Variants in IL1RAPL1 observed in about 807,000 individuals in gnomAD.
The protein encoded by IL1RAPL1 is interleukin 1 receptor accessory protein like 1, also known as interleukin-1 receptor accessory protein-like 1.
Under a neutral mutation model 48.4 loss-of-function variants are expected in IL1RAPL1, and 3 were observed. The observed-to-expected ratio is 0.06, with a 90% CI of 0.03 to 0.16. The LOEUF is 0.16. Ranked by LOEUF, IL1RAPL1 falls within the 10% of genes least tolerant of loss-of-function variation. The pLI, the probability that IL1RAPL1 is intolerant of heterozygous loss-of-function variation, is 1.00. For synonymous variants in IL1RAPL1, 185 were observed against 187.7 expected, an observed-to-expected ratio of 0.99 and a Z score of 0.12; for missense variants, 349 against 530.6, an observed-to-expected ratio of 0.66 and a Z score of 3.36.
At chrX:29,602,792 G>A (rs113720732) in intron 5 of IL1RAPL1, among the ~76,000 whole-genome samples, 5,232 of 112,423 alleles carry the variant, frequency 0.047, 290 homozygotes, top group African/African-American at 0.16. Context: ...AAGTAAATAT[G>A]TTCATTTGTT....
At chrX:29,228,160 A>G (rs1931116267) in intron 2 of IL1RAPL1, among the ~76,000 whole-genome samples, 1 of 91,695 alleles carries the variant, frequency 1.1e-5, no homozygotes, top group Non-Finnish European at 2.1e-5. Context: ...TCTTATAACC[A>G]TCTCCGGACA....
intron 5 of IL1RAPL1, among the ~76,000 whole-genome samples, chrX:29,448,539 A>G (rs1192681715): frequency 5.3e-5 from 6 of 112,407 alleles, no homozygotes; most frequent in African/African-American, 1.9e-4. Flanking sequence ...TTTGACATGC[A>G]TAATACAGAA....
At chrX:28,846,292 G>A (rs190075398) in intron 2 of IL1RAPL1, among the ~76,000 whole-genome samples, 1 of 111,628 alleles carries the variant, frequency 9.0e-6, no homozygotes, top group East Asian at 2.8e-4. Flanking sequence ...TTCTATTGTC[G>A]GGATGTACCC....
At chrX:29,790,093 T>C (rs192906136) in intron 6 of IL1RAPL1, among the ~76,000 whole-genome samples, 77 of 111,648 alleles carry the variant, frequency 6.9e-4, no homozygotes, top group African/African-American at 2.4e-3. Context: ...AGCAAATTAG[T>C]GTCAACGTTT....
chrX:28,991,459 G>A (rs1211703837), intron 2 of IL1RAPL1, among the ~76,000 whole-genome samples: 1 of 111,265 alleles, frequency 9.0e-6, no homozygotes, highest in African/African-American at 3.3e-5. Context: ...CTCAACCTTC[G>A]ATTCCATGAT....
chrX:29,851,180 C>T (rs1931360187), intron 6 of IL1RAPL1, among the ~76,000 whole-genome samples: 1 of 111,393 alleles, frequency 9.0e-6, no homozygotes, highest in Admixed American at 9.6e-5. Context: ...TCATCTTGAC[C>T]CATATTTCTG....
At chrX:28,996,025 C>T (rs1471901246) in intron 2 of IL1RAPL1, among the ~76,000 whole-genome samples, 1 of 111,228 alleles carries the variant, frequency 9.0e-6, no homozygotes, top group Non-Finnish European at 1.9e-5. Context: ...TGTTGTGCAA[C>T]CTTTACCAAA....
At chrX:29,445,871 T>A (rs990378411) in intron 5 of IL1RAPL1, among the ~76,000 whole-genome samples, 1 of 112,112 alleles carries the variant, frequency 8.9e-6, no homozygotes, top group Non-Finnish European at 1.9e-5. Flanking sequence ...TCCTTTGACT[T>A]AAAGGGGAAG....
intron 2 of IL1RAPL1, among the ~76,000 whole-genome samples, chrX:29,204,726 A>G (rs929649570): frequency 1.9e-4 from 21 of 112,025 alleles, no homozygotes; most frequent in African/African-American, 6.8e-4. Context: ...TCCTGTTATG[A>G]GTTCCCTATA....
chrX:29,196,711 C>T (rs1156845085), intron 2 of IL1RAPL1, among the ~76,000 whole-genome samples: 1 of 110,423 alleles, frequency 9.1e-6, no homozygotes, highest in Admixed American at 9.8e-5. Context: ...CAGGGAACCT[C>T]ACACTTGCTT....
chrX:29,884,302 C>T (rs780288549), intron 6 of IL1RAPL1, among the ~76,000 whole-genome samples: 5 of 111,127 alleles, frequency 4.5e-5, no homozygotes, highest in Non-Finnish European at 9.4e-5. Flanking sequence ...TTCCAGTGAC[C>T]ACCATGGTGT....
intron 1 of IL1RAPL1, among the ~76,000 whole-genome samples, chrX:28,643,422 C>T (rs1393301078): frequency 9.0e-6 from 1 of 111,199 alleles, no homozygotes; most frequent in Non-Finnish European, 1.9e-5. Context: ...CACATACCAT[C>T]ACGTCTACAA....
At chrX:29,514,506 T>A (rs978919682) in intron 5 of IL1RAPL1, among the ~76,000 whole-genome samples, 8 of 112,848 alleles carry the variant, frequency 7.1e-5, no homozygotes, top group African/African-American at 2.3e-4. Context: ...TGGAGTGCAG[T>A]GGCACTATCT....
chrX:29,156,151 T>C (rs905656690), intron 2 of IL1RAPL1, among the ~76,000 whole-genome samples: 1 of 111,600 alleles, frequency 9.0e-6, no homozygotes, highest in Non-Finnish European at 1.9e-5. Flanking sequence ...TAGCTAGCAT[T>C]TGACAAAGGA....
intron 6 of IL1RAPL1, among the ~76,000 whole-genome samples, chrX:29,875,334 C>T (rs192453838): frequency 4.5e-5 from 5 of 111,826 alleles, no homozygotes; most frequent in Admixed American, 3.8e-4. Context: ...CTTTAAAACA[C>T]CTCAGCTTCT....
intron 2 of IL1RAPL1, among the ~76,000 whole-genome samples, chrX:29,004,908 G>C (rs1389000654): frequency 8.9e-6 from 1 of 111,990 alleles, no homozygotes; most frequent in Non-Finnish European, 1.9e-5. Flanking sequence ...CCTCATGATA[G>C]TGACAGGTAC....
chrX:29,303,164 A>G (rs1051742569), intron 3 of IL1RAPL1, among the ~76,000 whole-genome samples: 1 of 111,762 alleles, frequency 8.9e-6, no homozygotes, highest in East Asian at 2.8e-4. Flanking sequence ...TGTAAGAAGC[A>G]GCCTTCATAC....
intron 6 of IL1RAPL1, among the ~76,000 whole-genome samples, chrX:29,907,942 C>A (rs1347020530): frequency 9.0e-6 from 1 of 110,966 alleles, no homozygotes; most frequent in Non-Finnish European, 1.9e-5. Flanking sequence ...ATATCATAGA[C>A]CATAACTAAC....
intron 1 of IL1RAPL1, among the ~76,000 whole-genome samples, chrX:28,765,112 T>C (rs1041598105): frequency 1.0e-5 from 1 of 98,260 alleles, no homozygotes; most frequent in Non-Finnish European, 2.0e-5. Context: ...ATGACAACAC[T>C]TGGACACAGG....
Sources: gnomAD v4.1 joint callset for allele counts (sites outside exome capture counted in the v4.1 genomes callset) on GRCh38, gnomAD v4.1.1 for gene constraint, MANE v1.5 for transcripts, NCBI Gene and HGNC (gene_info 2026-07-23, HGNC 2026-07-21) for gene names.